NBAS: variants seen among roughly 807,000 people sequenced by gnomAD.
NBAS encodes NAG/BC035112 fusion.
NBAS carries 219 observed loss-of-function variants against 302.5 expected under a neutral mutation model. The ratio of observed to expected loss-of-function variants is 0.72; its 90% CI spans 0.65 to 0.81. NBAS has a LOEUF of 0.81. Among genes scored for constraint, NBAS ranks in the 30% least tolerant of loss-of-function variants. The pLI, the probability that NBAS is intolerant of heterozygous loss-of-function variation, is 0.00. For missense variants in NBAS, 2,932 were observed against 2,841.6 expected (o/e 1.03, Z -0.72); for synonymous variants, 1,118 against 1,021.6 (o/e 1.09, Z -1.80).
downstream of NBAS, among the ~76,000 whole-genome samples, chr2:15,165,719 T>C (rs1023815241): frequency 1.3e-5 from 2 of 152,274 alleles, no homozygotes; most frequent in Non-Finnish European, 2.9e-5. Flanking sequence ...ATACACTGTA[T>C]GTTAAAGACC....
intron 50 of NBAS, among the ~76,000 whole-genome samples, chr2:15,182,204 G>T (rs1664859243): frequency 6.6e-6 from 1 of 152,220 alleles, no homozygotes; most frequent in Non-Finnish European, 1.5e-5. Context: ...CAGGGCACTA[G>T]CCGTGCCTCT....
chr2:15,467,600 G>C, intron 18 of NBAS, 64 bp downstream of exon 18: 1 of 1,481,442 alleles, frequency 6.8e-7, no homozygotes, highest in Non-Finnish European at 9.4e-7. Flanking sequence ...TACTAGTAAG[G>C]AACACACTGA....
At chr2:15,397,899 A>G (rs1675949022) in intron 26 of NBAS, 1 of 178,414 alleles carries the variant, frequency 5.6e-6, no homozygotes, top group African/African-American at 2.4e-5. Context: ...AACCCTCATT[A>G]TTTTTAAAAC....
At chr2:15,124,294 G>A in the NBAS span, among the ~76,000 whole-genome samples, 1 of 152,180 alleles carries the variant, frequency 6.6e-6, no homozygotes, top group Non-Finnish European at 1.5e-5. Context: ...TATGGCTTGT[G>A]TCCTAAGTGT....
At chr2:15,407,942 C>T (rs1445797648) in intron 25 of NBAS, among the ~76,000 whole-genome samples, 1 of 152,092 alleles carries the variant, frequency 6.6e-6, no homozygotes, top group Non-Finnish European at 1.5e-5. Flanking sequence ...TAGAGGGTGC[C>T]CACACTACTT....
chr2:15,365,336 C>T (rs1674145901), intron 32 of NBAS, among the ~76,000 whole-genome samples: 1 of 152,188 alleles, frequency 6.6e-6, no homozygotes, highest in African/African-American at 2.4e-5. Flanking sequence ...TTGTTAGCTT[C>T]TGTGGCCTGG....
At chr2:15,166,524 A>T (rs1402138598), downstream of NBAS, among the ~76,000 whole-genome samples, 1 of 152,166 alleles carries the variant, frequency 6.6e-6, no homozygotes. Flanking sequence ...ACACAACCCC[A>T]CATAATACTT....
At chr2:15,431,303 C>T (rs1452445737) in intron 21 of NBAS, among the ~76,000 whole-genome samples, 1 of 152,186 alleles carries the variant, frequency 6.6e-6, no homozygotes, top group Non-Finnish European at 1.5e-5. Context: ...AAAAACCCTT[C>T]TTGTTGCTCT....
At chr2:15,188,966 G>A (rs1204308970) in intron 49 of NBAS, among the ~76,000 whole-genome samples, 2 of 152,154 alleles carry the variant, frequency 1.3e-5, no homozygotes, top group Admixed American at 6.5e-5. Context: ...ACCCAGGAGT[G>A]TGTTCAGAAC....
chr2:14,923,713 C>A, the NBAS span, among the ~76,000 whole-genome samples: 1 of 152,142 alleles, frequency 6.6e-6, no homozygotes, highest in African/African-American at 2.4e-5. Context: ...AGTGGCCTGG[C>A]CCCACAAAGC....
At chr2:15,218,390 G>A (rs776642134) in intron 48 of NBAS, among the ~76,000 whole-genome samples, 2 of 152,146 alleles carry the variant, frequency 1.3e-5, no homozygotes, top group Non-Finnish European at 2.9e-5. Context: ...GTTGACAGTT[G>A]CTTAAAGAAA....
At chr2:15,239,401 G>GCGTA (rs773067515) in intron 44 of NBAS, among the ~76,000 whole-genome samples, 1 of 144,660 alleles carries the variant, frequency 6.9e-6, no homozygotes, top group Non-Finnish European at 1.5e-5. Flanking sequence ...GTGTGTGTGT[G>GCGTA]TATATATATA....
At chr2:15,230,750 G>A (rs1403773449) in intron 47 of NBAS, among the ~76,000 whole-genome samples, 1 of 152,202 alleles carries the variant, frequency 6.6e-6, no homozygotes, top group African/African-American at 2.4e-5. Context: ...CGCTGCGGAT[G>A]GCAGCTCCCT....
the NBAS span, among the ~76,000 whole-genome samples, chr2:14,793,544 T>G: frequency 6.7e-3 from 1,022 of 152,032 alleles, 12 homozygotes; most frequent in African/African-American, 0.023. Context: ...AAATTAATAA[T>G]AAGAAGAGTC....
At chr2:14,872,791 T>C in the NBAS span, among the ~76,000 whole-genome samples, 1 of 151,966 alleles carries the variant, frequency 6.6e-6, no homozygotes, top group African/African-American at 2.4e-5. Flanking sequence ...TCCCAGTCGG[T>C]TGGCAGTCTT....
chr2:14,822,276 T>C, the NBAS span, among the ~76,000 whole-genome samples: 2 of 152,148 alleles, frequency 1.3e-5, no homozygotes, highest in African/African-American at 4.8e-5. Context: ...CAGGTTTTAA[T>C]ATTTCACCAG....
At chr2:14,894,341 G>A in the NBAS span, among the ~76,000 whole-genome samples, 1 of 152,100 alleles carries the variant, frequency 6.6e-6, no homozygotes, top group Non-Finnish European at 1.5e-5. Context: ...AATGGAGCAG[G>A]AGTACAGGGG....
At chr2:15,309,130 T>C (rs778506414) in intron 39 of NBAS, 41 bp downstream of exon 39, 3 of 1,510,050 alleles carry the variant, frequency 2.0e-6, no homozygotes, top group Non-Finnish European at 9.2e-7. Flanking sequence ...ACATTTTCCA[T>C]TTAGTCATTT....
At chr2:15,124,528 A>T in the NBAS span, among the ~76,000 whole-genome samples, 5 of 152,214 alleles carry the variant, frequency 3.3e-5, no homozygotes, top group Non-Finnish European at 4.4e-5. Context: ...CATCCAAGAC[A>T]ATGGGAAGAA....
Sources: gnomAD v4.1 joint callset for allele counts (sites outside exome capture counted in the v4.1 genomes callset) on GRCh38, gnomAD v4.1.1 for gene constraint, MANE v1.5 for transcripts, NCBI Gene and HGNC (gene_info 2026-07-23, HGNC 2026-07-21) for gene names.